WDPCP: variants seen among roughly 807,000 people sequenced by gnomAD.
WDPCP encodes the protein WD repeat-containing and planar cell polarity effector protein fritz homolog.
A neutral mutation model predicts 93.1 loss-of-function variants in WDPCP; 71 were observed. The observed-to-expected ratio is 0.76, with a 90% CI of 0.63 to 0.93. The LOEUF is 0.93. WDPCP is among the 40% of genes least tolerant of loss of function. WDPCP has a pLI of 0.00. For synonymous variants in WDPCP, 315 were observed against 315.0 expected, an observed-to-expected ratio of 1.00 and a Z score of 0.00; for missense variants, 844 against 887.4, an observed-to-expected ratio of 0.95 and a Z score of 0.62.
rs10169120 is a variant in WDPCP at position 63,507,536 on chromosome 2, G to A, written c.76-14596C>T. Among the ~76,000 whole-genome samples, 136 of 151,936 alleles carry A rather than the reference G, an allele frequency of 9.0e-4. No individual in the cohort carries two copies. The Middle Eastern group carries it at 0.01, about 11-fold the overall frequency. On this transcript the variant is annotated intron_variant, in intron 1 of 17. Transcript: ENST00000272321. ...AAGGATGAAATAAACCCAAGAAGGC[G>A]GATGATATAGAATCCAGGAAGGGAA...
intron 14 of WDPCP, among the ~76,000 whole-genome samples, chr2:63,175,724 T>C (rs1049515824): frequency 2.6e-5 from 4 of 152,230 alleles, no homozygotes; most frequent in African/African-American, 9.6e-5. Flanking sequence ...CTTAGCATAA[T>C]GTCCTCAAGG....
chr2:63,265,755 A>G (rs1682055457), intron 13 of WDPCP, among the ~76,000 whole-genome samples: 1 of 152,200 alleles, frequency 6.6e-6, no homozygotes, highest in South Asian at 2.1e-4. Context: ...AGATGCAAAA[A>G]TCCTCAACAA....
chr2:63,489,139 A>T (rs775207720), intron 2 of WDPCP, among the ~76,000 whole-genome samples: 36 of 152,158 alleles, frequency 2.4e-4, no homozygotes, highest in Non-Finnish European at 4.7e-4. Context: ...TGGGGTGAGA[A>T]GGGTATCTAT....
intron 14 of WDPCP, among the ~76,000 whole-genome samples, chr2:63,239,403 G>A (rs1679684822): frequency 6.6e-6 from 1 of 152,012 alleles, no homozygotes; most frequent in African/African-American, 2.4e-5. Context: ...ATAGATTTAT[G>A]GTTATATGAA....
chr2:63,207,893 G>T (rs1278870046), intron 14 of WDPCP, among the ~76,000 whole-genome samples: 1 of 151,868 alleles, frequency 6.6e-6, no homozygotes, highest in Non-Finnish European at 1.5e-5. Context: ...TCTTTCTCTA[G>T]CACTTTTTCT....
intron 2 of WDPCP, among the ~76,000 whole-genome samples, chr2:63,682,798 T>C (rs994995512): frequency 2.0e-5 from 3 of 152,066 alleles, no homozygotes; most frequent in African/African-American, 7.2e-5. Flanking sequence ...TACAGAATAT[T>C]ACAACACTGT....
intron 2 of WDPCP, among the ~76,000 whole-genome samples, chr2:63,747,732 A>G (rs933792249): frequency 5.9e-5 from 9 of 152,000 alleles, no homozygotes; most frequent in African/African-American, 2.2e-4. Context: ...GTCCTCTTTA[A>G]GAGTGTTTTG....
chr2:63,580,452 A>G (rs1708421430), intron 1 of WDPCP, among the ~76,000 whole-genome samples: 1 of 152,228 alleles, frequency 6.6e-6, no homozygotes, highest in African/African-American at 2.4e-5. Context: ...AATCAACATC[A>G]TAAATAATAA....
At chr2:63,509,987 A>G (rs1162318597) in intron 1 of WDPCP, among the ~76,000 whole-genome samples, 1 of 152,182 alleles carries the variant, frequency 6.6e-6, no homozygotes, top group Non-Finnish European at 1.5e-5. Flanking sequence ...TTCACAGCCG[A>G]ATTCTACCAG....
intron 6 of WDPCP, chr2:63,441,624 T>A (rs1425556087): frequency 6.6e-6 from 1 of 151,602 alleles, no homozygotes; most frequent in Non-Finnish European, 1.5e-5. Context: ...GAACACCAGA[T>A]AATTTGCAGT....
At chr2:63,559,491 T>G (rs1467215230) in intron 1 of WDPCP, among the ~76,000 whole-genome samples, 1 of 152,184 alleles carries the variant, frequency 6.6e-6, no homozygotes, top group Non-Finnish European at 1.5e-5. Flanking sequence ...CTGTCTCTGT[T>G]TGCAGATGAC....
chr2:63,397,867 A>G (rs1693857534), intron 10 of WDPCP, among the ~76,000 whole-genome samples: 1 of 152,166 alleles, frequency 6.6e-6, no homozygotes. Flanking sequence ...TTTGGCTATG[A>G]AAGGAAGGTG....
Position 63,532,273 on chromosome 2 carries a change from C to T in WDPCP, c.76-39333G>A, listed in dbSNP as rs564147548. ...AAAGTGATGGGGAGATGGAACCAAG[C>T]TGGAAAACACTCTTCAGGATATTAT... On this transcript the variant is annotated intron_variant, in intron 1 of 17. Transcript: ENST00000272321. Among the ~76,000 whole-genome samples the T allele has an allele frequency of 3.9e-5, 6 of 152,268 alleles. No individual in the cohort carries two copies. In the East Asian group the frequency reaches 9.6e-4, roughly 24 times the overall value.
At chr2:63,621,379 C>G (rs1709735710) in intron 3 of WDPCP, among the ~76,000 whole-genome samples, 1 of 151,732 alleles carries the variant, frequency 6.6e-6, no homozygotes, top group Admixed American at 6.6e-5. Context: ...GTGAAGCATA[C>G]ACAAGTATCA....
At chr2:63,530,656 C>G (rs954014888) in intron 1 of WDPCP, among the ~76,000 whole-genome samples, 3 of 152,178 alleles carry the variant, frequency 2.0e-5, no homozygotes, top group African/African-American at 7.2e-5. Context: ...GACCCAAGGT[C>G]ATATTTTCTA....
chr2:63,737,409 T>C (rs1669653642), intron 2 of WDPCP, among the ~76,000 whole-genome samples: 2 of 152,184 alleles, frequency 1.3e-5, no homozygotes, highest in South Asian at 4.1e-4. Context: ...TACAGACACT[T>C]TGGGGTCACA....
At chr2:63,655,262 G>A (rs545810663) in intron 2 of WDPCP, among the ~76,000 whole-genome samples, 1 of 152,248 alleles carries the variant, frequency 6.6e-6, no homozygotes, top group Admixed American at 6.5e-5. Flanking sequence ...ATGAGAACTT[G>A]GTGAGCATTG....
At chr2:63,684,455 C>G in intron 2 of WDPCP, 3 of 817,108 alleles carry the variant, frequency 3.7e-6, no homozygotes, top group Non-Finnish European at 6.5e-6. Context: ...CTGCTACCCC[C>G]GCAAAGTGAT....
chr2:63,768,228 C>A (rs191412625), intron 2 of WDPCP, among the ~76,000 whole-genome samples: 40 of 151,948 alleles, frequency 2.6e-4, no homozygotes, highest in African/African-American at 8.4e-4. Context: ...ATCAATGGAC[C>A]ATACATGTGT....
Sources: allele counts gnomAD v4.1 joint callset (sites outside exome capture counted in the v4.1 genomes callset), GRCh38; gene constraint gnomAD v4.1.1; transcripts MANE v1.5; gene names NCBI Gene and HGNC (gene_info 2026-07-23, HGNC 2026-07-21).